The following N4BP2 variants were observed in gnomAD, a reference collection of about 807,000 sequenced individuals.
N4BP2 encodes the protein NEDD4-binding protein 2.
Under a neutral mutation model 152.8 loss-of-function variants are expected in N4BP2, and 91 were observed. That is an observed-to-expected ratio of 0.60 (90% CI 0.50 to 0.71). The LOEUF (loss-of-function observed/expected upper bound fraction) is 0.71. N4BP2 is among the 30% of genes least tolerant of loss of function. The pLI is 0.00. For synonymous variants in N4BP2, 646 were observed against 705.3 expected (o/e 0.92, Z 1.33); for missense variants, 1,923 against 2,059.1 (o/e 0.93, Z 1.28).
intron 3 of N4BP2, among the ~76,000 whole-genome samples, chr4:40,099,063 C>T (rs1715369036): frequency 6.6e-6 from 1 of 151,756 alleles, no homozygotes; most frequent in Non-Finnish European, 1.5e-5. Flanking sequence ...TTTCTTTTGG[C>T]TTTTTTTTCT....
At chr4:40,096,779 G>A (rs764532962) in intron 2 of N4BP2, among the ~76,000 whole-genome samples, 7 of 152,130 alleles carry the variant, frequency 4.6e-5, no homozygotes, top group Non-Finnish European at 8.8e-5. Flanking sequence ...TGGGATGAGA[G>A]GAGTCAAGGA....
Position 40,154,212 on chromosome 4 carries a change from G to C in N4BP2, c.5288G>C (p.Gly1763Ala). 6.2e-7 allele frequency: 1 copy of C among 1,601,390 alleles called. No homozygotes were observed. The highest frequency in any genetic ancestry group is 8.5e-7 in the Non-Finnish European group (1 of 1,174,974). ...HSFRFSEIKP[G>A]CLKVMLK ...TGCAGGTTCTCTGAAATTAAACCAG[G>C]GTGCTTGAAAGTCATGCTAAAGTAA... Residue 1763 changes from glycine to alanine, a missense_variant, in exon 18 of 18, where the codon GGG becomes GCG. By Grantham distance (60) the Gly-to-Ala change is moderately conservative (BLOSUM62 0). Transcript: ENST00000261435.
chr4:40,132,730 G>T (rs922692066), intron 13 of N4BP2, among the ~76,000 whole-genome samples: 2 of 151,876 alleles, frequency 1.3e-5, no homozygotes, highest in Non-Finnish European at 2.9e-5. Flanking sequence ...TACTTTTTGA[G>T]AATCTTTTGA....
intron 16 of N4BP2, among the ~76,000 whole-genome samples, chr4:40,150,450 T>C (rs1391359510): frequency 1.3e-5 from 2 of 152,174 alleles, no homozygotes; most frequent in African/African-American, 4.8e-5. Flanking sequence ...TCAGATCACT[T>C]GAGGTCAGGA....
intron 2 of N4BP2, among the ~76,000 whole-genome samples, chr4:40,080,814 C>G (rs1456003763): frequency 1.5e-5 from 2 of 133,990 alleles, no homozygotes; most frequent in East Asian, 2.3e-4. Flanking sequence ...CCTGCCACCA[C>G]GCCTGGCTAA....
intron 4 of N4BP2, among the ~76,000 whole-genome samples, chr4:40,104,154 G>A (rs1196988497): frequency 6.6e-6 from 1 of 151,668 alleles, no homozygotes; most frequent in Non-Finnish European, 1.5e-5. Context: ...GGGTTTCACC[G>A]TGTTAGCCAG....
the N4BP2 span, among the ~76,000 whole-genome samples, chr4:40,185,230 T>C: frequency 6.6e-6 from 1 of 152,222 alleles, no homozygotes; most frequent in African/African-American, 2.4e-5. Flanking sequence ...ATTGGCTGTG[T>C]GGCCTTATGT....
chr4:40,104,262 T>TC (rs529074515), intron 4 of N4BP2, among the ~76,000 whole-genome samples: 256 of 145,740 alleles, frequency 1.8e-3, no homozygotes, highest in African/African-American at 6.1e-3. Context: ...TGCTAGTTCT[T>TC]TTTTTTTTTT....
chr4:40,148,676 TAGG>T (rs1016678576), intron 16 of N4BP2, among the ~76,000 whole-genome samples: 2 of 152,288 alleles, frequency 1.3e-5, no homozygotes, highest in Admixed American at 1.3e-4. Context: ...TTAAAAGAAA[TAGG>T]AGGTCTCAGT....
chr4:40,158,862 A>T (rs548847041), downstream of N4BP2, among the ~76,000 whole-genome samples: 2 of 152,320 alleles, frequency 1.3e-5, no homozygotes, highest in East Asian at 3.9e-4. Context: ...AGCAGAATTC[A>T]CTCATTTTGC....
At chr4:40,061,764 A>G (rs1170807955) in intron 1 of N4BP2, among the ~76,000 whole-genome samples, 5 of 151,496 alleles carry the variant, frequency 3.3e-5, no homozygotes, top group Admixed American at 3.3e-4. Flanking sequence ...TACCACATTC[A>G]AGTGATTCTC....
At chr4:40,172,833 T>C in the N4BP2 span, among the ~76,000 whole-genome samples, 1 of 152,244 alleles carries the variant, frequency 6.6e-6, no homozygotes, top group Non-Finnish European at 1.5e-5. Flanking sequence ...TGTTTTATAA[T>C]ATCTTAAAAT....
chr4:40,178,601 C>T, the N4BP2 span, among the ~76,000 whole-genome samples: 1 of 152,336 alleles, frequency 6.6e-6, no homozygotes, highest in Middle Eastern at 3.4e-3. Flanking sequence ...AATCACCACT[C>T]TTGGTCTTCC....
chr4:40,094,199 GA>G (rs1274733825), intron 2 of N4BP2, among the ~76,000 whole-genome samples: 1 of 152,142 alleles, frequency 6.6e-6, no homozygotes, highest in Non-Finnish European at 1.5e-5. Flanking sequence ...ATTGTGGTTG[GA>G]AAACATACCT....
rs1400406976 is a variant in N4BP2 at position 40,121,108 on chromosome 4, A to G, written c.2997A>G (p.Gln999=). The part of the protein sequence containing the change: ...VVEPQTLAEC[Q]EQMPKRDPGK... ...AACCACAAACGTTAGCTGAATGTCA[A>G]GAGCAAATGCCTAAGAGAGACCCTG... is the stretch of plus-strand genomic sequence containing the variant. Residue 999 remains glutamine (Q), a synonymous_variant, in exon 9 of 18, where the codon CAA becomes CAG. Transcript: ENST00000261435. The G allele has an allele frequency of 3.1e-6, 5 of 1,614,038 alleles. No individual in the cohort carries two copies. The highest frequency in any genetic ancestry group is 4.2e-6 in the Non-Finnish European group (5 of 1,180,038).
At chr4:40,128,539 G>GTTTTTTTTTTTTTTTTTTT (rs11423243) in intron 12 of N4BP2, among the ~76,000 whole-genome samples, 4 of 145,086 alleles carry the variant, frequency 2.8e-5, no homozygotes, top group African/African-American at 1.0e-4. Flanking sequence ...TCTTCTTTCT[G>GTTTTTTTTTTTTTTTTTTT]TTTTTTTTTT....
chr4:40,124,046 G>C, intron 10 of N4BP2, 114 bp from the exon 11 acceptor site: 1 of 682,334 alleles, frequency 1.5e-6, no homozygotes, highest in Non-Finnish European at 2.6e-6. Context: ...GAGTAAGAAT[G>C]GTTTACAGTT....
At chr4:40,147,542 G>GC (rs1301261809) in intron 16 of N4BP2, among the ~76,000 whole-genome samples, 10 of 146,598 alleles carry the variant, frequency 6.8e-5, no homozygotes, top group African/African-American at 2.3e-4. Context: ...GGGCAGAGGC[G>GC]CCCCCCACCT....
At chr4:40,075,508 C>G (rs1285416508) in intron 2 of N4BP2, among the ~76,000 whole-genome samples, 1 of 152,088 alleles carries the variant, frequency 6.6e-6, no homozygotes, top group African/African-American at 2.4e-5. Flanking sequence ...AGTGATTCTT[C>G]TGCCTCAGCC....
Sources: gnomAD v4.1 joint callset for allele counts (sites outside exome capture counted in the v4.1 genomes callset) on GRCh38, gnomAD v4.1.1 for gene constraint, MANE v1.5 for transcripts, NCBI Gene and HGNC (gene_info 2026-07-23, HGNC 2026-07-21) for gene names.